The following PCDH11X variants were observed in gnomAD, a reference collection of about 807,000 sequenced individuals.
PCDH11X encodes protocadherin-11 X-linked.
PCDH11X carries 18 observed loss-of-function variants against 53.3 expected under a neutral mutation model. The observed-to-expected ratio is 0.34, with a 90% CI of 0.23 to 0.50. PCDH11X has a LOEUF of 0.50. PCDH11X is among the 20% of genes least tolerant of loss of function. PCDH11X has a pLI of 0.98. For synonymous variants in PCDH11X, 279 were observed against 393.3 expected, an observed-to-expected ratio of 0.71 and a Z score of 3.44; for missense variants, 570 against 1,032.4, an observed-to-expected ratio of 0.55 and a Z score of 6.14.
Position 91,895,902 on chromosome X carries a change from ATAT to A in PCDH11X, c.3033+16633_3033+16635del, listed in dbSNP as rs767500965. On this transcript the variant is annotated intron_variant, in intron 6 of 10. Coordinates refer to ENST00000682573, the MANE Select transcript of PCDH11X (RefSeq NM_032968.5). Reference sequence around the variant, plus strand: ...ATATGTTATGTATTATATATTATACATATTATATACATATACACGTATATTATG... The same window carrying A: ...ATATGTTATGTATTATATATTATACATATATACATATACACGTATATTATG... 1.2e-3 allele frequency among the ~76,000 whole-genome samples: 125 copies of A among 104,326 alleles called. 2 individuals carry two copies. The South Asian group carries it at 0.05, about 41-fold the overall frequency. The allele number at this position is 104,326 out of a possible 115,157, so 90.6% of individuals were successfully genotyped here.
chrX:92,266,951 G>T (rs994925569), intron 8 of PCDH11X, among the ~76,000 whole-genome samples: 2 of 110,056 alleles, frequency 1.8e-5, no homozygotes, highest in African/African-American at 3.3e-5. Context: ...CACCATGTTG[G>T]CCAGGCTGGT....
chrX:92,292,333 G>T lies in PCDH11X; in HGVS notation c.3144+29190G>T, dbSNP rs988060731. ...AATTGGAAGTATCCTTAATGTTTTTGCATGTTGCTGGAACATTTTACCTGC... is the reference window on the plus strand; with the variant it reads ...AATTGGAAGTATCCTTAATGTTTTTTCATGTTGCTGGAACATTTTACCTGC... On this transcript the variant is annotated intron_variant, in intron 8 of 10. Transcript: ENST00000682573. Among the ~76,000 whole-genome samples, 5 of 112,010 alleles carry T rather than the reference G, an allele frequency of 4.5e-5. No homozygotes were observed. The Admixed American group carries it at 4.7e-4, about 11-fold the overall frequency.
At position 92,366,946 on chromosome X, in the gene PCDH11X, T is replaced by A. The variant is rs1036787581; in HGVS notation, c.3145-20789T>A. Among the ~76,000 whole-genome samples, 7 of 110,635 alleles carry A rather than the reference T, an allele frequency of 6.3e-5. 1 individual carries two copies. Among genetic ancestry groups the A allele is most frequent in the African/African-American group, 2.3e-4 (7 of 30,355 alleles). On this transcript the variant is annotated intron_variant, in intron 8 of 10. Coordinates refer to ENST00000682573, the MANE Select transcript of PCDH11X (RefSeq NM_032968.5). ...TCAGTTTTAGAATAAGTGCTATGTA[T>A]GTGCTGAGAAGAATGTATATTCTGT... is the stretch of plus-strand genomic sequence containing the variant.
At chrX:92,223,600 A>G (rs934786208) in intron 7 of PCDH11X, among the ~76,000 whole-genome samples, 3 of 112,173 alleles carry the variant, frequency 2.7e-5, no homozygotes, top group Non-Finnish European at 5.6e-5. Context: ...TATGTCACAT[A>G]AGAACTTGGG....
At chrX:92,332,398 A>G (rs1315570745) in intron 8 of PCDH11X, among the ~76,000 whole-genome samples, 1 of 110,224 alleles carries the variant, frequency 9.1e-6, no homozygotes, top group Non-Finnish European at 1.9e-5. Context: ...GTGTGCATGC[A>G]TGCACACATG....
chrX:92,199,097 G>A (rs1431353930), intron 6 of PCDH11X, among the ~76,000 whole-genome samples: 2 of 111,603 alleles, frequency 1.8e-5, no homozygotes, highest in African/African-American at 6.5e-5. Context: ...GTACTTGAAG[G>A]CGTTAATGCA....
chrX:91,846,587 C>T (rs1272173691), intron 5 of PCDH11X, among the ~76,000 whole-genome samples: 4 of 106,293 alleles, frequency 3.8e-5, no homozygotes, highest in African/African-American at 1.4e-4. Flanking sequence ...CACTGCACTC[C>T]AGCCTGGGCG....
At chrX:92,579,371 T>G (rs1438499566) in intron 10 of PCDH11X, among the ~76,000 whole-genome samples, 2 of 108,509 alleles carry the variant, frequency 1.8e-5, no homozygotes, top group Non-Finnish European at 3.8e-5. Context: ...CCTCCTCTCT[T>G]TCAGGCACCC....
chrX:92,341,949 A>G (rs1304451343), intron 8 of PCDH11X, among the ~76,000 whole-genome samples: 3 of 112,266 alleles, frequency 2.7e-5, no homozygotes, highest in Non-Finnish European at 5.6e-5. Flanking sequence ...CCAACAATGG[A>G]GTAATATCCA....
intron 6 of PCDH11X, among the ~76,000 whole-genome samples, chrX:92,067,524 T>C (rs1027717394): frequency 4.5e-5 from 5 of 111,304 alleles, no homozygotes; most frequent in African/African-American, 1.6e-4. Context: ...TTATGATGAA[T>C]GCTCTATTTA....
chrX:92,164,812 G>A (rs2065704622), intron 6 of PCDH11X, among the ~76,000 whole-genome samples: 1 of 110,188 alleles, frequency 9.1e-6, no homozygotes, highest in East Asian at 2.9e-4. Context: ...ACTTATGGGG[G>A]CAGGTCTTTC....
Position 92,436,117 on chromosome X carries a change from G to A in PCDH11X, c.3344-32182G>A, listed in dbSNP as rs779707996. On this transcript the variant is annotated intron_variant, in intron 9 of 10. Transcript: ENST00000682573. ...TCCAGCATCTATAAGGAACTTAAAC[G>A]AATTTATAAGAAAAAAACAAACAAC... 4.6e-5 allele frequency among the ~76,000 whole-genome samples: 5 copies of A among 108,558 alleles called. No individual in the cohort carries two copies. In the South Asian group the frequency reaches 1.6e-3, roughly 35 times the overall value. 94.3% of individuals were successfully genotyped at this position (108,558 alleles called of 115,157 possible).
intron 6 of PCDH11X, among the ~76,000 whole-genome samples, chrX:92,045,020 G>A (rs1236138583): frequency 1.2e-5 from 1 of 80,485 alleles, no homozygotes; most frequent in East Asian, 1.2e-3. Context: ...ATTCCTGTTT[G>A]TAATTGGCAA....
intron 10 of PCDH11X, among the ~76,000 whole-genome samples, chrX:92,572,069 G>A (rs765484418): frequency 2.4e-4 from 27 of 112,413 alleles, no homozygotes; most frequent in African/African-American, 8.4e-4. Context: ...ATAACATTCT[G>A]AAATGTGACT....
At chrX:91,978,015 C>T (rs1423462632) in intron 6 of PCDH11X, among the ~76,000 whole-genome samples, 2 of 111,728 alleles carry the variant, frequency 1.8e-5, no homozygotes, top group Non-Finnish European at 3.8e-5. Flanking sequence ...CAGTTCTGAT[C>T]GTATAACCCT....
At chrX:92,045,164 G>A (rs1056243224) in intron 6 of PCDH11X, among the ~76,000 whole-genome samples, 2 of 108,905 alleles carry the variant, frequency 1.8e-5, no homozygotes, top group African/African-American at 3.4e-5. Context: ...ATTTCAAGAC[G>A]TTCATGATGT....
At chrX:92,216,573 T>G (rs2066719020) in intron 7 of PCDH11X, among the ~76,000 whole-genome samples, 1 of 104,628 alleles carries the variant, frequency 9.6e-6, no homozygotes, top group African/African-American at 3.5e-5. Context: ...AATCTACGTC[T>G]GATTGGTGTA....
intron 10 of PCDH11X, among the ~76,000 whole-genome samples, chrX:92,481,334 C>T (rs918008331): frequency 7.3e-5 from 8 of 109,772 alleles, no homozygotes; most frequent in East Asian, 2.9e-4. Context: ...ACACACACAC[C>T]GAGGGGACAC....
At chrX:91,943,507 AG>A (rs1043133402) in intron 6 of PCDH11X, among the ~76,000 whole-genome samples, 9 of 110,766 alleles carry the variant, frequency 8.1e-5, no homozygotes, top group Non-Finnish European at 1.3e-4. Flanking sequence ...TGATCATCAT[AG>A]CAAATATAAG....
Sources: allele counts gnomAD v4.1 joint callset (sites outside exome capture counted in the v4.1 genomes callset), GRCh38; gene constraint gnomAD v4.1.1; transcripts MANE v1.5; gene names NCBI Gene and HGNC (gene_info 2026-07-23, HGNC 2026-07-21).